Variants in NKAIN3 observed in about 807,000 individuals in gnomAD.
The protein encoded by NKAIN3 is sodium/potassium-transporting ATPase subunit beta-1-interacting protein 3.
Under a neutral mutation model 30.2 loss-of-function variants are expected in NKAIN3, and 25 were observed. The ratio of observed to expected loss-of-function variants is 0.83; its 90% CI spans 0.60 to 1.16. The LOEUF (loss-of-function observed/expected upper bound fraction) is 1.16, where lower values mean the gene tolerates loss of function less well. Among genes scored for constraint, NKAIN3 ranks in the 50% most tolerant of loss-of-function variants. The probability of loss-of-function intolerance (pLI) is 0.00; values close to 1 mark genes in which losing one functional copy is unlikely to be tolerated. For missense variants in NKAIN3, 225 were observed against 254.1 expected (o/e 0.89, Z 0.78); for synonymous variants, 91 against 89.6 (o/e 1.02, Z -0.09).
chr8:62,729,041 A>AAAAAAAAAAAAAC (rs1815377460), intron 3 of NKAIN3, among the ~76,000 whole-genome samples: 2 of 73,250 alleles, frequency 2.7e-5, no homozygotes, highest in African/African-American at 8.7e-5. Flanking sequence ...AAAAAAAAAC[A>AAAAAAAAAAAAAC]AAAAAAAAAA....
At chr8:62,782,747 G>A (rs1471189373) in intron 4 of NKAIN3, among the ~76,000 whole-genome samples, 1 of 149,258 alleles carries the variant, frequency 6.7e-6, no homozygotes, top group Non-Finnish European at 1.5e-5. Context: ...TGGTCACATG[G>A]ACACAGAGAA....
At position 62,304,842 on chromosome 8, in the gene NKAIN3, G is replaced by A. The variant is rs968176841; in HGVS notation, c.54+55715G>A. On this transcript the variant is annotated intron_variant, in intron 1 of 6. Transcript: ENST00000623646. ...TCGGCATGACGTTCATAGGCCAGCA[G>A]AAGCTACTCCATACTCAAGTGGAAA... 1.3e-4 allele frequency among the ~76,000 whole-genome samples: 20 copies of A among 150,382 alleles called. 1 individual carries two copies. The highest frequency in any genetic ancestry group is 1.2e-3 in the Admixed American group (18 of 15,192).
intron 1 of NKAIN3, among the ~76,000 whole-genome samples, chr8:62,479,683 G>A (rs1032988319): frequency 2.0e-5 from 3 of 152,160 alleles, no homozygotes; most frequent in Middle Eastern, 3.2e-3. Flanking sequence ...TCAAAGGTCA[G>A]AGAGGAGAAA....
intron 1 of NKAIN3, among the ~76,000 whole-genome samples, chr8:62,561,559 G>C (rs868499932): frequency 2.0e-5 from 3 of 152,154 alleles, no homozygotes; most frequent in Admixed American, 1.3e-4. Flanking sequence ...AGGCCATACT[G>C]TGGTGTAAAA....
intron 1 of NKAIN3, among the ~76,000 whole-genome samples, chr8:62,296,549 AAG>A (rs576839501): frequency 6.6e-6 from 1 of 152,192 alleles, no homozygotes; most frequent in Admixed American, 6.5e-5. Flanking sequence ...TTTTTAAAAA[AAG>A]AGATTTTACA....
At chr8:62,899,976 A>C (rs910430499) in intron 4 of NKAIN3, among the ~76,000 whole-genome samples, 2 of 151,838 alleles carry the variant, frequency 1.3e-5, no homozygotes, top group Admixed American at 1.3e-4. Flanking sequence ...CTTCACTATT[A>C]TGCGATTCAT....
intron 1 of NKAIN3, among the ~76,000 whole-genome samples, chr8:62,548,495 A>G (rs1208744443): frequency 2.0e-5 from 3 of 152,174 alleles, no homozygotes; most frequent in Non-Finnish European, 4.4e-5. Flanking sequence ...CTGCACTGAC[A>G]GCCAGCTCTG....
intron 4 of NKAIN3, among the ~76,000 whole-genome samples, chr8:62,786,276 G>A (rs1193506692): frequency 6.7e-6 from 1 of 150,104 alleles, no homozygotes; most frequent in African/African-American, 2.5e-5. Flanking sequence ...ATAAATAAAT[G>A]ACTAAATAAC....
intron 5 of NKAIN3, among the ~76,000 whole-genome samples, chr8:62,931,702 T>G (rs1025924431): frequency 6.6e-6 from 1 of 152,210 alleles, no homozygotes; most frequent in South Asian, 2.1e-4. Flanking sequence ...TCTCATTCCA[T>G]AAAATAATCT....
At chr8:62,524,973 C>T (rs1442993747) in intron 1 of NKAIN3, among the ~76,000 whole-genome samples, 2 of 152,108 alleles carry the variant, frequency 1.3e-5, no homozygotes, top group East Asian at 3.9e-4. Flanking sequence ...GAGAAAAATC[C>T]CACACAAAAC....
intron 1 of NKAIN3, among the ~76,000 whole-genome samples, chr8:62,406,435 T>C (rs1804068587): frequency 6.6e-6 from 1 of 152,148 alleles, no homozygotes; most frequent in African/African-American, 2.4e-5. Flanking sequence ...AATACATCAC[T>C]GAAGGTATAA....
At chr8:62,274,865 G>A (rs866436446) in intron 1 of NKAIN3, among the ~76,000 whole-genome samples, 19 of 151,484 alleles carry the variant, frequency 1.3e-4, no homozygotes, top group Non-Finnish European at 1.9e-4. Flanking sequence ...TTGTCCTTGC[G>A]ATAGTTTGCT....
Position 62,953,989 on chromosome 8 carries a change from T to A in NKAIN3, c.603+17T>A, listed in dbSNP as rs559929783. ...GTTAAACCAGTAAGTAAAGGTGTGA[T>A]GATATGGAAAATATTAATCCTTCTA... On this transcript the variant is annotated intron_variant, in intron 6 of 6. Transcript: ENST00000623646. The A allele has an allele frequency of 1.1e-6, 1 of 918,548 alleles. No homozygotes were observed. The highest frequency in any genetic ancestry group is 1.8e-5 in the African/African-American group (1 of 55,954). 56.9% of individuals were successfully genotyped at this position (918,548 alleles called of 1,614,324 possible). A position where few individuals can be genotyped will look rare whatever the true frequency, so the allele number is the denominator to read the frequency against.
chr8:62,720,239 T>C (rs1321927125), intron 3 of NKAIN3, among the ~76,000 whole-genome samples: 2 of 152,170 alleles, frequency 1.3e-5, no homozygotes, highest in African/African-American at 4.8e-5. Context: ...CCAGAATGCC[T>C]TCAGTAATAA....
chr8:62,671,968 C>T (rs1813319372), intron 3 of NKAIN3, among the ~76,000 whole-genome samples: 1 of 152,136 alleles, frequency 6.6e-6, no homozygotes, highest in African/African-American at 2.4e-5. Context: ...CACCGGAAAC[C>T]AATCACTGTA....
chr8:62,411,006 A>G (rs906052616), intron 1 of NKAIN3, among the ~76,000 whole-genome samples: 5 of 152,190 alleles, frequency 3.3e-5, no homozygotes, highest in Admixed American at 6.5e-5. Context: ...ATTCCAAAAA[A>G]TGGAGGCAGA....
chr8:62,927,430 C>T (rs553180884), intron 5 of NKAIN3, among the ~76,000 whole-genome samples: 5 of 152,270 alleles, frequency 3.3e-5, no homozygotes, highest in South Asian at 2.1e-4. Flanking sequence ...AGTAGAGTGA[C>T]TATAATTTAC....
intron 3 of NKAIN3, among the ~76,000 whole-genome samples, chr8:62,742,298 A>C (rs1815930240): frequency 6.6e-6 from 1 of 152,200 alleles, no homozygotes; most frequent in African/African-American, 2.4e-5. Flanking sequence ...AGTAAAGTTC[A>C]TTATGTAGAT....
chr8:62,366,257 C>G (rs1350310600), intron 1 of NKAIN3, among the ~76,000 whole-genome samples: 2 of 148,306 alleles, frequency 1.3e-5, no homozygotes, highest in African/African-American at 5.0e-5. Flanking sequence ...GGTGGAGTCT[C>G]ACTCTGTCAC....
Sources: gnomAD v4.1 joint callset for allele counts (sites outside exome capture counted in the v4.1 genomes callset) on GRCh38, gnomAD v4.1.1 for gene constraint, MANE v1.5 for transcripts, NCBI Gene and HGNC (gene_info 2026-07-23, HGNC 2026-07-21) for gene names.